WDR25: variants seen among roughly 807,000 people sequenced by gnomAD.
The protein encoded by WDR25 is WD repeat-containing protein 25.
In WDR25, 35 loss-of-function variants were observed where a neutral mutation model predicts 47.7. That is an observed-to-expected ratio of 0.73 (90% confidence interval 0.56 to 0.97). The LOEUF (loss-of-function observed/expected upper bound fraction) is 0.97. Among genes scored for constraint, WDR25 ranks in the 50% least tolerant of loss-of-function variants. The probability of loss-of-function intolerance (pLI) is 0.00; values close to 1 mark genes in which losing one functional copy is unlikely to be tolerated. For synonymous variants in WDR25, 248 were observed against 278.9 expected, an observed-to-expected ratio of 0.89 and a Z score of 1.10; for missense variants, 634 against 704.7, an observed-to-expected ratio of 0.90 and a Z score of 1.14.
chr14:100,511,967 A>T (rs1382598884), intron 4 of WDR25, among the ~76,000 whole-genome samples: 2 of 152,106 alleles, frequency 1.3e-5, no homozygotes, highest in African/African-American at 4.8e-5. Context: ...TGATCATAAT[A>T]TATTATTCCC....
rs1298160357 is a variant in WDR25 at position 100,530,054 on chromosome 14, T to C, written c.*13T>C. On this transcript the variant is annotated 3_prime_UTR_variant, in exon 7 of 7. Transcript: ENST00000402312. Reference sequence around the variant, plus strand: ...GATCTGGCACTGAGCTTTTTGTCACTGAACCTTCCCGATGCCAGCTGGGCT... The same window carrying C: ...GATCTGGCACTGAGCTTTTTGTCACCGAACCTTCCCGATGCCAGCTGGGCT... The C allele has an allele frequency of 6.2e-7, 1 of 1,602,210 alleles. No individual in the cohort carries two copies. The highest frequency in any genetic ancestry group is 8.5e-7 in the Non-Finnish European group (1 of 1,172,390).
At chr14:100,480,573 CA>C (rs2140314424) in intron 3 of WDR25, among the ~76,000 whole-genome samples, 2 of 152,240 alleles carry the variant, frequency 1.3e-5, no homozygotes, top group Admixed American at 1.3e-4. Flanking sequence ...ATGGAGAGAA[CA>C]TTTTGAAAAC....
chr14:100,378,419 G>A (rs1263993276), intron 1 of WDR25, among the ~76,000 whole-genome samples: 1 of 151,956 alleles, frequency 6.6e-6, no homozygotes, highest in Admixed American at 6.6e-5. Flanking sequence ...CGCCCACCTC[G>A]GCCTCCCAAA....
intron 4 of WDR25, among the ~76,000 whole-genome samples, chr14:100,486,399 T>C (rs1900384280): frequency 6.6e-6 from 1 of 152,204 alleles, no homozygotes; most frequent in Admixed American, 6.5e-5. Context: ...GTTGGCATGT[T>C]TGCGAGTCTC....
At chr14:100,378,199 C>T (rs1463506013) in intron 1 of WDR25, among the ~76,000 whole-genome samples, 1 of 150,712 alleles carries the variant, frequency 6.6e-6, no homozygotes, top group Non-Finnish European at 1.5e-5. Context: ...GACGAAGTTT[C>T]ACTCTTGTCG....
chr14:100,403,275 C>T (rs904124894), intron 2 of WDR25, among the ~76,000 whole-genome samples: 2 of 152,196 alleles, frequency 1.3e-5, no homozygotes, highest in South Asian at 2.1e-4. Flanking sequence ...TCCTAGGGAG[C>T]ATCAGCCTTG....
chr14:100,396,137 C>T (rs375246792), intron 2 of WDR25, among the ~76,000 whole-genome samples: 49 of 152,084 alleles, frequency 3.2e-4, no homozygotes, highest in East Asian at 3.1e-3. Context: ...CCACCACGCC[C>T]GGCTAATTTT....
chr14:100,430,262 C>T lies in WDR25; in HGVS notation c.823-37759C>T, dbSNP rs555930920. ...GGGTATAGACTGGAGATGAGCTCCACCTCTGCCCAGCCAGTCAGAGTCACC... is the reference window on the plus strand; with the variant it reads ...GGGTATAGACTGGAGATGAGCTCCATCTCTGCCCAGCCAGTCAGAGTCACC... On this transcript the variant is annotated intron_variant, in intron 2 of 6. Transcript: ENST00000402312. The surrounding 1 kb of genome is among the most constrained non-coding windows in gnomAD (Gnocchi z 4.7). Among the ~76,000 whole-genome samples, 7 of 152,078 alleles carry T rather than the reference C, an allele frequency of 4.6e-5. No individual in the cohort carries two copies. Among genetic ancestry groups the T allele is most frequent in the Non-Finnish European group, 5.9e-5 (4 of 67,984 alleles).
chr14:100,380,889 G>A (rs746468888), intron 1 of WDR25, 21 bp from the exon 2 acceptor site: 3 of 1,592,350 alleles, frequency 1.9e-6, no homozygotes, highest in East Asian at 2.2e-5. Flanking sequence ...TTTTCTGACG[G>A]TTGACCTTGT....
chr14:100,379,390 CT>C (rs148841833), intron 1 of WDR25, among the ~76,000 whole-genome samples: 23,647 of 134,974 alleles, frequency 0.18, 1,430 homozygotes, highest in Non-Finnish European at 0.21. Flanking sequence ...CTTTTTTTTT[CT>C]TTTTTTTTTT....
At chr14:100,474,329 C>T (rs939791108) in intron 3 of WDR25, among the ~76,000 whole-genome samples, 3 of 152,212 alleles carry the variant, frequency 2.0e-5, no homozygotes, top group South Asian at 4.1e-4. Flanking sequence ...CAGCCCTTAA[C>T]TGCCACTTGG....
intron 3 of WDR25, among the ~76,000 whole-genome samples, chr14:100,469,842 C>T (rs7142064): frequency 0.57 from 86,683 of 152,036 alleles, 25,408 homozygotes; most frequent in Admixed American, 0.7. Context: ...AGTGACAGAG[C>T]CAGGATGCAC....
intron 4 of WDR25, among the ~76,000 whole-genome samples, chr14:100,491,668 C>T (rs1566935552): frequency 6.6e-6 from 1 of 152,220 alleles, no homozygotes; most frequent in Non-Finnish European, 1.5e-5. Flanking sequence ...CGTTAAGCAA[C>T]ACATGACTAA....
chr14:100,402,303 C>T (rs1005135868), intron 2 of WDR25, among the ~76,000 whole-genome samples: 8 of 151,938 alleles, frequency 5.3e-5, no homozygotes, highest in African/African-American at 9.7e-5. Context: ...CCATCCAGCA[C>T]GTCAGAGGGA....
rs1449900313 is a variant in WDR25 at position 100,498,794 on chromosome 14, C to T, written c.1101+14670C>T. 6.6e-6 allele frequency among the ~76,000 whole-genome samples: 1 copy of T among 152,246 alleles called. No individual in the cohort carries two copies. Among genetic ancestry groups the T allele is most frequent in the African/African-American group, 2.4e-5 (1 of 41,462 alleles). On this transcript the variant is annotated intron_variant, in intron 4 of 6. Transcript: ENST00000402312. This position sits in a 1 kb window ranked among gnomAD's most constrained non-coding sequence, Gnocchi z 4.2. The stretch of plus-strand genomic sequence containing the variant: ...CAAGCCCTGCTGGCCAGGCCACGCC[C>T]CTGATTTGGAATGGTTTCTACTCGA...
chr14:100,420,982 G>A (rs1031422213), intron 2 of WDR25, among the ~76,000 whole-genome samples: 1 of 152,224 alleles, frequency 6.6e-6, no homozygotes, highest in African/African-American at 2.4e-5. Context: ...CTGGCTGGAT[G>A]AGTCTTTTTA....
rs1365244632 is a variant in WDR25 at position 100,529,908 on chromosome 14, G to A, written c.1502G>A (p.Ser501Asn). ...GSADGRVLMY[S>N]FRTASRACTL... ...GCCGATGGCCGGGTCCTGATGTACA[G>A]CTTCCGCACAGCCAGCCGAGCATGC... is the stretch of plus-strand genomic sequence containing the variant. Residue 501 changes from serine to asparagine, a missense_variant, in exon 7 of 7, where the codon AGC becomes AAC. Coordinates refer to ENST00000402312, the MANE Select transcript of WDR25 (RefSeq NM_001161476.3). This position sits in a 1 kb window ranked among gnomAD's most constrained non-coding sequence, Gnocchi z 5.1. 2 of 1,613,324 alleles carry A rather than the reference G, an allele frequency of 1.2e-6. No homozygotes were observed. The highest frequency in any genetic ancestry group is 1.7e-6 in the Non-Finnish European group (2 of 1,180,042).
chr14:100,409,241 T>G (rs979845468), intron 2 of WDR25, among the ~76,000 whole-genome samples: 1 of 152,256 alleles, frequency 6.6e-6, no homozygotes, highest in South Asian at 2.1e-4. Flanking sequence ...CCTCTCATTT[T>G]ACAAGTGAGG....
intron 2 of WDR25, among the ~76,000 whole-genome samples, chr14:100,398,397 G>A (rs987260535): frequency 3.3e-5 from 5 of 152,210 alleles, no homozygotes; most frequent in Middle Eastern, 3.4e-3. Flanking sequence ...AAGCCCTATC[G>A]GAGCATTGGT....
Sources: gnomAD v4.1 joint callset for allele counts (sites outside exome capture counted in the v4.1 genomes callset) on GRCh38, gnomAD v4.1.1 for gene constraint, Gnocchi (gnomAD v3.1) non-coding constraint, MANE v1.5 for transcripts, NCBI Gene and HGNC (gene_info 2026-07-23, HGNC 2026-07-21) for gene names.